The following ABCD3 variants were observed in gnomAD, a reference collection of about 807,000 sequenced individuals.
ABCD3 encodes ATP binding cassette subfamily D member 3.
ABCD3 carries 41 observed loss-of-function variants against 105.5 expected under a neutral mutation model. That is an observed-to-expected ratio of 0.39 (90% CI 0.30 to 0.50). The LOEUF (loss-of-function observed/expected upper bound fraction) is 0.50. Among genes scored for constraint, ABCD3 ranks in the 20% least tolerant of loss-of-function variants. ABCD3 has a pLI of 0.84. For synonymous variants in ABCD3, 258 were observed against 269.0 expected (o/e 0.96, Z 0.40); for missense variants, 622 against 806.3 (o/e 0.77, Z 2.77).
At chr1:94,515,015 A>T (rs1419599546) in intron 21 of ABCD3, 131 bp from the exon 22 acceptor site, 1 of 719,166 alleles carries the variant, frequency 1.4e-6, no homozygotes, top group South Asian at 1.6e-5. Context: ...CCAGTTGTAA[A>T]TTTTTTCTCA....
the ABCD3 span, among the ~76,000 whole-genome samples, chr1:94,413,189 T>C: frequency 4.6e-5 from 7 of 152,188 alleles, no homozygotes; most frequent in South Asian, 1.2e-3. Flanking sequence ...TTTCTTCTAA[T>C]ATTTTTATGG....
intron 18 of ABCD3, 37 bp downstream of exon 18, chr1:94,498,885 C>A: frequency 6.2e-7 from 1 of 1,608,278 alleles, no homozygotes; most frequent in Non-Finnish European, 8.5e-7. Context: ...ATCTAAAGAT[C>A]TTTTTGTTTA....
intron 1 of ABCD3, among the ~76,000 whole-genome samples, chr1:94,440,642 G>A (rs1057151902): frequency 2.6e-5 from 4 of 152,144 alleles, no homozygotes; most frequent in African/African-American, 7.2e-5. Flanking sequence ...GGATCTTCCC[G>A]AGGTGGATAA....
At chr1:94,421,046 C>G (rs1659240832) in intron 1 of ABCD3, among the ~76,000 whole-genome samples, 1 of 151,920 alleles carries the variant, frequency 6.6e-6, no homozygotes, top group Non-Finnish European at 1.5e-5. Context: ...ATTTTTTTCA[C>G]TCAGTTAAAT....
chr1:94,479,850 A>G (rs1648952309), intron 8 of ABCD3, among the ~76,000 whole-genome samples: 1 of 151,898 alleles, frequency 6.6e-6, no homozygotes, highest in Non-Finnish European at 1.5e-5. Flanking sequence ...TTCTCTTGGG[A>G]TGGTCAATGG....
chr1:94,434,100 G>A (rs549270307), intron 1 of ABCD3, among the ~76,000 whole-genome samples: 59 of 152,276 alleles, frequency 3.9e-4, no homozygotes, highest in African/African-American at 1.3e-3. Context: ...ATGAGTGAAT[G>A]TGAAGGCCTA....
chr1:94,504,113 A>G (rs926494100), intron 20 of ABCD3, among the ~76,000 whole-genome samples: 1 of 151,770 alleles, frequency 6.6e-6, no homozygotes, highest in Admixed American at 6.6e-5. Context: ...GGGTTTCACT[A>G]TGTTGGCCAG....
At chr1:94,516,981 T>C in intron 22 of ABCD3, 71 bp from the exon 23 acceptor site, 1 of 1,065,028 alleles carries the variant, frequency 9.4e-7, no homozygotes, top group Non-Finnish European at 1.5e-6. Flanking sequence ...AGTCTGTATT[T>C]TACTTTTCAT....
chr1:94,487,686 G>T lies in ABCD3; in HGVS notation c.968-8G>T. The T allele has an allele frequency of 6.2e-7, 1 of 1,613,810 alleles. No homozygotes were observed. The highest frequency in any genetic ancestry group is 8.5e-7 in the Non-Finnish European group (1 of 1,179,806). ...TTACTGTTTTAAATCTTACCTGTTTGGTTTCAGACCTTGCCACTGTTGTTG... is the reference window on the plus strand; with the variant it reads ...TTACTGTTTTAAATCTTACCTGTTTTGTTTCAGACCTTGCCACTGTTGTTG... On this transcript the variant is annotated splice_region_variant and splice_polypyrimidine_tract_variant and intron_variant, in intron 11 of 22. Transcript: ENST00000370214.
At chr1:94,437,060 G>A (rs1659933131) in intron 1 of ABCD3, among the ~76,000 whole-genome samples, 1 of 152,196 alleles carries the variant, frequency 6.6e-6, no homozygotes, top group African/African-American at 2.4e-5. Context: ...GATTAGCAAA[G>A]GTTGGTTCAT....
upstream of ABCD3, among the ~76,000 whole-genome samples, chr1:94,418,262 C>A (rs1359064122): frequency 6.6e-6 from 1 of 152,190 alleles, no homozygotes; most frequent in Non-Finnish European, 1.5e-5. Context: ...GGAACTGTTC[C>A]GCCCACGGAG....
At chr1:94,388,399 T>G in the ABCD3 span, among the ~76,000 whole-genome samples, 7 of 17,988 alleles carry the variant, frequency 3.9e-4, no homozygotes, top group Non-Finnish European at 6.5e-4. Context: ...TTCCCTCCAA[T>G]TTTTTTCTGA....
At chr1:94,489,113 C>CT (rs2101023006) in intron 13 of ABCD3, among the ~76,000 whole-genome samples, 1 of 152,176 alleles carries the variant, frequency 6.6e-6, no homozygotes, top group East Asian at 1.9e-4. Flanking sequence ...ATGCAGAATA[C>CT]TTTCTCTTTG....
chr1:94,419,142 C>A (rs540475754), intron 1 of ABCD3, among the ~76,000 whole-genome samples: 239 of 152,292 alleles, frequency 1.6e-3, no homozygotes, highest in Non-Finnish European at 2.7e-3. Context: ...TGAAACTATT[C>A]CCGGTCCACT....
chr1:94,406,340 G>GTTT, the ABCD3 span: 420 of 142,512 alleles, frequency 2.9e-3, 7 homozygotes, highest in African/African-American at 0.011. Context: ...ATTTTGTTTT[G>GTTT]TTTTTTTTTT....
chr1:94,427,987 ATTT>A (rs1659530881), intron 1 of ABCD3, among the ~76,000 whole-genome samples: 2 of 152,222 alleles, frequency 1.3e-5, no homozygotes, highest in Admixed American at 1.3e-4. Context: ...GATAACTGCT[ATTT>A]ATGTAATACA....
chr1:94,494,222 CTT>C (rs1489514988), intron 16 of ABCD3, among the ~76,000 whole-genome samples: 1 of 151,968 alleles, frequency 6.6e-6, no homozygotes, highest in East Asian at 1.9e-4. Context: ...GTCTTTAATT[CTT>C]TCTCTTTTTT....
intron 1 of ABCD3, among the ~76,000 whole-genome samples, chr1:94,442,909 A>C (rs1172811639): frequency 2.6e-5 from 4 of 152,202 alleles, no homozygotes; most frequent in Non-Finnish European, 5.9e-5. Context: ...TGTTGTGAAT[A>C]GTGCTATGAT....
intron 21 of ABCD3, among the ~76,000 whole-genome samples, chr1:94,511,856 C>A (rs1171441827): frequency 6.6e-6 from 1 of 152,020 alleles, no homozygotes; most frequent in Non-Finnish European, 1.5e-5. Context: ...CTCCTTTAAG[C>A]ACTTCCCTGT....
Sources: gnomAD v4.1 joint callset for allele counts (sites outside exome capture counted in the v4.1 genomes callset) on GRCh38, gnomAD v4.1.1 for gene constraint, MANE v1.5 for transcripts, NCBI Gene and HGNC (gene_info 2026-07-23, HGNC 2026-07-21) for gene names.